NAALADL2: variants seen among roughly 807,000 people sequenced by gnomAD.
The protein encoded by NAALADL2 is inactive N-acetylated-alpha-linked acidic dipeptidase-like protein 2.
Under a neutral mutation model 87.2 loss-of-function variants are expected in NAALADL2, and 76 were observed. The observed-to-expected ratio is 0.87, with a 90% CI of 0.72 to 1.05. The LOEUF (loss-of-function observed/expected upper bound fraction) is 1.05. Ranked by LOEUF, NAALADL2 falls within the 50% of genes least tolerant of loss-of-function variation. The probability of loss-of-function intolerance (pLI) is 0.00; values close to 1 mark genes in which losing one functional copy is unlikely to be tolerated. For missense variants in NAALADL2, 1,089 were observed against 945.8 expected (o/e 1.15, Z -1.99); for synonymous variants, 354 against 331.0 (o/e 1.07, Z -0.75).
intron 2 of NAALADL2, among the ~76,000 whole-genome samples, chr3:175,098,035 C>A (rs1242452164): frequency 6.6e-6 from 1 of 152,044 alleles, no homozygotes; most frequent in Admixed American, 6.6e-5. Context: ...GAAGCATGTC[C>A]ACTGAAGATG....
chr3:174,746,192 G>A (rs878915189), intron 3 of NAALADL2, among the ~76,000 whole-genome samples: 1 of 152,130 alleles, frequency 6.6e-6, no homozygotes, highest in African/African-American at 2.4e-5. Flanking sequence ...CATTGTTTCA[G>A]CCTAAGAGCT....
intron 1 of NAALADL2, among the ~76,000 whole-genome samples, chr3:174,529,921 A>C (rs1721089081): frequency 6.6e-6 from 1 of 152,122 alleles, no homozygotes; most frequent in Admixed American, 6.5e-5. Context: ...GTCTGCTGCA[A>C]AGGTCTCTGA....
intron 1 of NAALADL2, among the ~76,000 whole-genome samples, chr3:174,975,499 T>G (rs976932286): frequency 2.6e-5 from 4 of 152,178 alleles, no homozygotes; most frequent in African/African-American, 9.7e-5. Context: ...CCATTATTTT[T>G]AATGACAAAA....
intron 2 of NAALADL2, among the ~76,000 whole-genome samples, chr3:175,105,617 A>T: frequency 6.7e-6 from 1 of 148,898 alleles, no homozygotes; most frequent in Non-Finnish European, 1.5e-5. Flanking sequence ...TTAGAAATTA[A>T]GCAAGATATT....
intron 2 of NAALADL2, among the ~76,000 whole-genome samples, chr3:174,638,182 A>T (rs1318176938): frequency 6.6e-6 from 1 of 152,144 alleles, no homozygotes; most frequent in African/African-American, 2.4e-5. Context: ...TTATTGTCTT[A>T]TTGTAATCAC....
At chr3:174,614,478 G>T (rs1246683157) in intron 2 of NAALADL2, among the ~76,000 whole-genome samples, 3 of 152,154 alleles carry the variant, frequency 2.0e-5, no homozygotes, top group Non-Finnish European at 4.4e-5. Flanking sequence ...AAACAGGGCT[G>T]CACTGAGTCC....
chr3:175,076,786 A>G (rs1366223635), intron 1 of NAALADL2, among the ~76,000 whole-genome samples: 1 of 152,222 alleles, frequency 6.6e-6, no homozygotes, highest in African/African-American at 2.4e-5. Context: ...TAAAATATTT[A>G]GTTTTGAAAT....
intron 2 of NAALADL2, among the ~76,000 whole-genome samples, chr3:174,643,841 C>T (rs1010087885): frequency 1.3e-5 from 2 of 152,006 alleles, no homozygotes; most frequent in African/African-American, 4.8e-5. Context: ...AGACCCTAAA[C>T]CTAACAGCAG....
chr3:175,596,257 C>G (rs758381445), intron 10 of NAALADL2, among the ~76,000 whole-genome samples: 50 of 151,840 alleles, frequency 3.3e-4, no homozygotes, highest in Non-Finnish European at 5.5e-4. Flanking sequence ...CATAAGCTTT[C>G]CATGATTGGT....
At chr3:174,878,123 C>G (rs1728729317) in intron 1 of NAALADL2, among the ~76,000 whole-genome samples, 1 of 152,006 alleles carries the variant, frequency 6.6e-6, no homozygotes, top group African/African-American at 2.4e-5. Context: ...TCAATTAACT[C>G]TAAATATATA....
intron 9 of NAALADL2, among the ~76,000 whole-genome samples, chr3:175,567,466 A>G (rs987520394): frequency 6.6e-6 from 1 of 152,128 alleles, no homozygotes; most frequent in Non-Finnish European, 1.5e-5. Context: ...TTTCAAATAT[A>G]AAAGAACATT....
At chr3:174,529,538 C>CG (rs2108436794) in intron 1 of NAALADL2, among the ~76,000 whole-genome samples, 1 of 152,350 alleles carries the variant, frequency 6.6e-6, no homozygotes, top group African/African-American at 2.4e-5. Context: ...TCTGACCGCA[C>CG]GTTTCCCTTT....
chr3:175,372,558 C>T (rs1766644093), intron 5 of NAALADL2, among the ~76,000 whole-genome samples: 1 of 152,224 alleles, frequency 6.6e-6, no homozygotes, highest in Non-Finnish European at 1.5e-5. Context: ...TAATATTCCA[C>T]TTGGAGAAAG....
chr3:175,707,146 G>A (rs761314423), intron 11 of NAALADL2, among the ~76,000 whole-genome samples: 5 of 152,106 alleles, frequency 3.3e-5, no homozygotes, highest in Non-Finnish European at 7.4e-5. Context: ...TTAAACATGT[G>A]CAGATGTTGT....
intron 1 of NAALADL2, among the ~76,000 whole-genome samples, chr3:174,928,242 GTTAT>G (rs1011707775): frequency 4.6e-5 from 7 of 152,026 alleles, no homozygotes; most frequent in Non-Finnish European, 8.8e-5. Flanking sequence ...TGTGACATCT[GTTAT>G]TTATTTATTT....
intron 2 of NAALADL2, among the ~76,000 whole-genome samples, chr3:175,163,141 T>G (rs912517682): frequency 6.6e-6 from 1 of 152,110 alleles, no homozygotes; most frequent in Non-Finnish European, 1.5e-5. Context: ...TGTGTTATGC[T>G]TAAAGTTTAT....
intron 3 of NAALADL2, among the ~76,000 whole-genome samples, chr3:174,768,035 G>A (rs555011596): frequency 4.6e-5 from 7 of 152,312 alleles, no homozygotes; most frequent in South Asian, 2.1e-4. Context: ...ACATTTTGAT[G>A]TAGGTTAAAT....
chr3:174,509,585 T>C (rs1157325005), intron 1 of NAALADL2, among the ~76,000 whole-genome samples: 1 of 130,910 alleles, frequency 7.6e-6, no homozygotes, highest in African/African-American at 3.1e-5. Context: ...TTTTTTTTTT[T>C]TTTTTTTTTT....
chr3:174,697,554 A>G (rs1729147264), intron 2 of NAALADL2, among the ~76,000 whole-genome samples: 1 of 152,104 alleles, frequency 6.6e-6, no homozygotes, highest in South Asian at 2.1e-4. Flanking sequence ...TGAAGCTGAC[A>G]GGGTAATGAC....
Sources: gnomAD v4.1 joint callset for allele counts (sites outside exome capture counted in the v4.1 genomes callset) on GRCh38, gnomAD v4.1.1 for gene constraint, MANE v1.5 for transcripts, NCBI Gene and HGNC (gene_info 2026-07-23, HGNC 2026-07-21) for gene names.